The following KCNIP4 variants were observed in gnomAD, a reference collection of about 807,000 sequenced individuals.
The protein encoded by KCNIP4 is Kv channel-interacting protein 4.
A neutral mutation model predicts 34.0 loss-of-function variants in KCNIP4; 12 were observed. The ratio of observed to expected loss-of-function variants is 0.35; its 90% confidence interval spans 0.23 to 0.57. The LOEUF is 0.57. KCNIP4 is among the 20% of genes least tolerant of loss of function. The pLI is 0.83. For synonymous variants in KCNIP4, 124 were observed against 102.2 expected (o/e 1.21, Z -1.29); for missense variants, 238 against 311.7 (o/e 0.76, Z 1.78).
At chr4:21,214,614 T>G (rs1014721291) in intron 1 of KCNIP4, among the ~76,000 whole-genome samples, 5 of 152,332 alleles carry the variant, frequency 3.3e-5, no homozygotes, top group Admixed American at 3.3e-4. Context: ...ATCTTAAAGC[T>G]GGGACAAAAG....
At chr4:21,707,651 T>A (rs1194521931) in intron 1 of KCNIP4, among the ~76,000 whole-genome samples, 1 of 151,932 alleles carries the variant, frequency 6.6e-6, no homozygotes, top group African/African-American at 2.4e-5. Flanking sequence ...GGGAGAGCCC[T>A]GAGAGTCAGA....
chr4:20,925,540 T>C (rs930435541), intron 1 of KCNIP4, among the ~76,000 whole-genome samples: 6 of 152,102 alleles, frequency 3.9e-5, no homozygotes, highest in Admixed American at 3.3e-4. Flanking sequence ...GAAATAACCA[T>C]AAAAATGGGA....
At chr4:21,319,976 T>C (rs1202241164) in intron 1 of KCNIP4, among the ~76,000 whole-genome samples, 1 of 152,218 alleles carries the variant, frequency 6.6e-6, no homozygotes, top group Non-Finnish European at 1.5e-5. Flanking sequence ...GTTATATTTA[T>C]TTGTGTTTTT....
intron 1 of KCNIP4, among the ~76,000 whole-genome samples, chr4:21,214,473 T>C (rs12647061): frequency 0.065 from 9,939 of 152,284 alleles, 392 homozygotes; most frequent in East Asian, 0.15. Flanking sequence ...TTTTACTACC[T>C]AAAATAAAGG....
At chr4:21,116,662 T>C (rs571424444) in intron 1 of KCNIP4, among the ~76,000 whole-genome samples, 1 of 152,368 alleles carries the variant, frequency 6.6e-6, no homozygotes, top group East Asian at 1.9e-4. Flanking sequence ...GTTATATCTG[T>C]AGTTATTCCT....
chr4:21,615,130 A>T (rs1354110100), intron 1 of KCNIP4, among the ~76,000 whole-genome samples: 1 of 152,172 alleles, frequency 6.6e-6, no homozygotes, highest in Non-Finnish European at 1.5e-5. Context: ...AGGGAGAGAA[A>T]AGAGTGAAAG....
At chr4:21,361,114 C>T (rs1719175446) in intron 1 of KCNIP4, among the ~76,000 whole-genome samples, 1 of 151,968 alleles carries the variant, frequency 6.6e-6, no homozygotes, top group African/African-American at 2.4e-5. Context: ...TGAAATTACT[C>T]ATTACTGACT....
At chr4:21,310,524 G>C (rs1006550826) in intron 1 of KCNIP4, among the ~76,000 whole-genome samples, 2 of 152,196 alleles carry the variant, frequency 1.3e-5, no homozygotes, top group Non-Finnish European at 2.9e-5. Context: ...AAGCCTGGCT[G>C]AATCTTAGGA....
At chr4:21,850,298 C>T (rs932313174) in intron 1 of KCNIP4, 4 of 152,028 alleles carry the variant, frequency 2.6e-5, no homozygotes, top group Non-Finnish European at 4.4e-5. Flanking sequence ...TGGTTACTAA[C>T]CTGGGTGACA....
At chr4:21,904,188 T>A (rs1727865102) in intron 1 of KCNIP4, among the ~76,000 whole-genome samples, 1 of 152,140 alleles carries the variant, frequency 6.6e-6, no homozygotes, top group South Asian at 2.1e-4. Context: ...AATTCTTCAG[T>A]CCCCTCCCTA....
intron 1 of KCNIP4, among the ~76,000 whole-genome samples, chr4:21,111,581 TCA>T (rs1267079131): frequency 6.6e-6 from 1 of 152,168 alleles, no homozygotes; most frequent in Non-Finnish European, 1.5e-5. Flanking sequence ...CCTCAGTCTC[TCA>T]GTTTCCCAAA....
chr4:21,920,528 T>C (rs923374865), intron 1 of KCNIP4, among the ~76,000 whole-genome samples: 1 of 152,106 alleles, frequency 6.6e-6, no homozygotes, highest in Non-Finnish European at 1.5e-5. Flanking sequence ...TACACTTCTC[T>C]GGTGAAGAGC....
intron 6 of KCNIP4, 40 bp from the exon 7 acceptor site, chr4:20,732,825 T>C (rs777560812): frequency 1.6e-6 from 2 of 1,219,254 alleles, no homozygotes; most frequent in South Asian, 2.5e-5. Context: ...TGCACACATG[T>C]ATGAAGAAAC....
intron 4 of KCNIP4, among the ~76,000 whole-genome samples, chr4:20,758,494 A>C (rs1018322645): frequency 6.6e-6 from 1 of 152,158 alleles, no homozygotes; most frequent in Admixed American, 6.5e-5. Flanking sequence ...GGGAGAATCA[A>C]GTGAGACCTA....
chr4:21,055,783 G>T (rs1743346686), intron 1 of KCNIP4, among the ~76,000 whole-genome samples: 1 of 152,136 alleles, frequency 6.6e-6, no homozygotes, highest in South Asian at 2.1e-4. Flanking sequence ...CCAAGGGTTG[G>T]CAGAAAGGGA....
intron 1 of KCNIP4, among the ~76,000 whole-genome samples, chr4:20,911,386 A>T (rs1400218903): frequency 6.6e-6 from 1 of 152,184 alleles, no homozygotes; most frequent in East Asian, 1.9e-4. Flanking sequence ...ATGCTTACAA[A>T]TTTTATATAA....
In KCNIP4 at chr4:21,370,836, TATATATATATATATACACACACACACAC is replaced by T. The variant is rs1239870383; in HGVS notation, c.62-488155_62-488128del. Among the ~76,000 whole-genome samples the T allele has an allele frequency of 3.8e-4, 12 of 31,694 alleles. 1 individual carries two copies. Among genetic ancestry groups the T allele is most frequent in the African/African-American group, 2.1e-3 (11 of 5,316 alleles). The allele number at this position is 31,694 out of a possible 152,430, so 20.8% of individuals were successfully genotyped here. A position where few individuals can be genotyped will look rare whatever the true frequency, so the allele number is the denominator to read the frequency against. ...ATATATATATATATATATATATATA[TATATATATATATATACACACACACACAC>T]ACACACACACACACACACGTGTGTG... On this transcript the variant is annotated intron_variant, in intron 1 of 8. Transcript: ENST00000382152.
At chr4:21,734,810 A>T (rs1715872725) in intron 1 of KCNIP4, among the ~76,000 whole-genome samples, 1 of 152,174 alleles carries the variant, frequency 6.6e-6, no homozygotes, top group Admixed American at 6.6e-5. Context: ...AGAAATTGGC[A>T]TTCACCCAGA....
chr4:21,877,523 A>G (rs1726197407), intron 1 of KCNIP4, among the ~76,000 whole-genome samples: 1 of 152,156 alleles, frequency 6.6e-6, no homozygotes, highest in Non-Finnish European at 1.5e-5. Flanking sequence ...CACCATAGTA[A>G]CAATCTAGTT....
Sources: gnomAD v4.1 joint callset for allele counts (sites outside exome capture counted in the v4.1 genomes callset) on GRCh38, gnomAD v4.1.1 for gene constraint, MANE v1.5 for transcripts, NCBI Gene and HGNC (gene_info 2026-07-23, HGNC 2026-07-21) for gene names.